ASIC2: variants seen among roughly 807,000 people sequenced by gnomAD.
ASIC2 encodes acid sensing ion channel subunit 2.
Under a neutral mutation model 57.3 loss-of-function variants are expected in ASIC2, and 25 were observed. That is an observed-to-expected ratio of 0.44 (90% CI 0.32 to 0.61). The LOEUF (loss-of-function observed/expected upper bound fraction) is 0.61. Among genes scored for constraint, ASIC2 ranks in the 20% least tolerant of loss-of-function variants. The probability of loss-of-function intolerance (pLI) is 0.06; values close to 1 mark genes in which losing one functional copy is unlikely to be tolerated. For missense variants in ASIC2, 641 were observed against 738.1 expected, an observed-to-expected ratio of 0.87 and a Z score of 1.52; for synonymous variants, 319 against 307.5, an observed-to-expected ratio of 1.04 and a Z score of -0.39.
At chr17:33,545,477 T>A (rs1883086486) in intron 1 of ASIC2, among the ~76,000 whole-genome samples, 1 of 152,154 alleles carries the variant, frequency 6.6e-6, no homozygotes, top group Non-Finnish European at 1.5e-5. Context: ...AGACGCGGAT[T>A]TCTACTGTGC....
chr17:33,843,064 C>A (rs1022165530), intron 1 of ASIC2, among the ~76,000 whole-genome samples: 9 of 152,298 alleles, frequency 5.9e-5, no homozygotes, highest in African/African-American at 2.2e-4. Context: ...AGTGTTATGC[C>A]CGTGCACATA....
At chr17:33,418,028 A>ATATGTG (rs1910917374) in intron 1 of ASIC2, among the ~76,000 whole-genome samples, 1 of 67,752 alleles carries the variant, frequency 1.5e-5, no homozygotes, top group South Asian at 5.1e-4. Flanking sequence ...GCATGTATGT[A>ATATGTG]TGTGTGTGTG....
chr17:34,100,227 A>T (rs76895791), intron 1 of ASIC2, among the ~76,000 whole-genome samples: 4,364 of 146,534 alleles, frequency 0.03, 229 homozygotes, highest in African/African-American at 0.1. Context: ...CATAGGCACT[A>T]TATTTCCCCC....
chr17:33,781,483 G>A (rs1281811377), intron 1 of ASIC2, among the ~76,000 whole-genome samples: 2 of 152,136 alleles, frequency 1.3e-5, no homozygotes, highest in African/African-American at 2.4e-5. Flanking sequence ...GGTGAGGTAG[G>A]GTGAACAGTC....
At chr17:33,675,949 TC>T (rs747383300) in intron 1 of ASIC2, among the ~76,000 whole-genome samples, 15 of 152,354 alleles carry the variant, frequency 9.8e-5, no homozygotes, top group South Asian at 2.1e-4. Context: ...TTTGTGGCAA[TC>T]CAGCGTCAAG....
intron 1 of ASIC2, among the ~76,000 whole-genome samples, chr17:33,767,296 T>A (rs900821550): frequency 3.3e-5 from 5 of 152,228 alleles, no homozygotes; most frequent in Non-Finnish European, 5.9e-5. Context: ...GCTGCAGAGT[T>A]CATGTTTTAA....
intron 1 of ASIC2, among the ~76,000 whole-genome samples, chr17:33,723,874 C>T (rs1224608592): frequency 6.6e-6 from 1 of 152,182 alleles, no homozygotes; most frequent in African/African-American, 2.4e-5. Flanking sequence ...AATTGTACCT[C>T]AGTTGAAAAG....
intron 1 of ASIC2, among the ~76,000 whole-genome samples, chr17:33,351,376 C>G (rs1405445227): frequency 6.6e-6 from 1 of 152,146 alleles, no homozygotes; most frequent in Non-Finnish European, 1.5e-5. Flanking sequence ...TGGCCTTAGG[C>G]CAGACGTTCA....
chr17:33,438,675 G>A (rs1393547022), intron 1 of ASIC2, among the ~76,000 whole-genome samples: 1 of 151,908 alleles, frequency 6.6e-6, no homozygotes, highest in Non-Finnish European at 1.5e-5. Flanking sequence ...GAATTTTTGT[G>A]AGAAGAGACT....
intron 1 of ASIC2, among the ~76,000 whole-genome samples, chr17:33,177,241 A>G (rs1905796490): frequency 6.6e-6 from 1 of 152,214 alleles, no homozygotes; most frequent in African/African-American, 2.4e-5. Flanking sequence ...CAACTCATTG[A>G]AAACCAAGGA....
Position 33,014,004 on chromosome 17 carries a change from C to T in ASIC2, c.1653G>A (p.Leu551=). 6.2e-7 allele frequency: 1 copy of T among 1,604,174 alleles called. No individual in the cohort carries two copies. The highest frequency in any genetic ancestry group is 8.5e-7 in the Non-Finnish European group (1 of 1,175,132). Residue 551 remains leucine, a synonymous_variant, in exon 10 of 10, where the codon CTG becomes CTA. Coordinates refer to ENST00000225823, the MANE Select transcript of ASIC2 (RefSeq NM_183377.2). ...ETISHTVNVP[L]QTTLGTLEEI... ...CCTCCAAGGTCCCCAGGGTCGTCTG[C>T]AGGGGCACGTTCACAGTGTGACTGA...
At chr17:34,060,447 T>G (rs1908930188) in intron 1 of ASIC2, among the ~76,000 whole-genome samples, 1 of 151,942 alleles carries the variant, frequency 6.6e-6, no homozygotes, top group Non-Finnish European at 1.5e-5. Context: ...CTTCAACACC[T>G]CCCAAAAAAT....
chr17:33,372,926 C>T (rs1459500851), intron 1 of ASIC2, among the ~76,000 whole-genome samples: 1 of 152,292 alleles, frequency 6.6e-6, no homozygotes, highest in East Asian at 1.9e-4. Flanking sequence ...GGAGAGTTCT[C>T]TTTTCTCTCT....
rs1412931403 is a variant in ASIC2 at position 33,013,922 on chromosome 17, C to G, written c.*43G>C. The G allele has an allele frequency of 1.3e-6, 2 of 1,490,452 alleles. No individual in the cohort carries two copies. Among genetic ancestry groups the G allele is most frequent in the Non-Finnish European group, 1.8e-6 (2 of 1,089,882 alleles). 92.3% of individuals were successfully genotyped at this position (1,490,452 alleles called of 1,614,324 possible). A position where few individuals can be genotyped will look rare whatever the true frequency, so the allele number is the denominator to read the frequency against. ...CTGTTCCTTGTCCTGGGTCTTGGGC[C>G]TCAAGGTCTGTTTGGAGGGAGTGCT... On this transcript the variant is annotated 3_prime_UTR_variant, in exon 10 of 10. Transcript: ENST00000225823.
chr17:33,622,901 T>C (rs1241811012), intron 1 of ASIC2, among the ~76,000 whole-genome samples: 4 of 152,330 alleles, frequency 2.6e-5, no homozygotes, highest in African/African-American at 7.2e-5. Flanking sequence ...TCAGTTTAAA[T>C]GAGAAGCAGG....
intron 1 of ASIC2, among the ~76,000 whole-genome samples, chr17:33,382,513 A>C (rs1209741716): frequency 1.3e-5 from 2 of 152,176 alleles, no homozygotes; most frequent in African/African-American, 4.8e-5. Context: ...GGATCCATGA[A>C]GCTTCAGCCC....
intron 1 of ASIC2, among the ~76,000 whole-genome samples, chr17:33,143,429 G>T (rs948995350): frequency 1.3e-5 from 2 of 152,144 alleles, no homozygotes; most frequent in African/African-American, 4.8e-5. Flanking sequence ...CTATGTGCCA[G>T]GTACCATGAG....
At chr17:33,600,995 T>C (rs116118241) in intron 1 of ASIC2, among the ~76,000 whole-genome samples, 2,249 of 152,304 alleles carry the variant, frequency 0.015, 45 homozygotes, top group African/African-American at 0.05. Flanking sequence ...CTAGGATATC[T>C]GGTAGAAGAA....
chr17:33,693,680 G>A (rs1481347558), intron 1 of ASIC2, among the ~76,000 whole-genome samples: 2 of 152,154 alleles, frequency 1.3e-5, no homozygotes, highest in East Asian at 1.9e-4. Context: ...GAAAGGAAGC[G>A]AACAGACTGT....
Sources: gnomAD v4.1 joint callset for allele counts (sites outside exome capture counted in the v4.1 genomes callset) on GRCh38, gnomAD v4.1.1 for gene constraint, MANE v1.5 for transcripts, NCBI Gene and HGNC (gene_info 2026-07-23, HGNC 2026-07-21) for gene names.